Variants in SLC35D1 observed in about 807,000 individuals in gnomAD.
The protein encoded by SLC35D1 is solute carrier family 35 member D1.
A neutral mutation model predicts 46.7 loss-of-function variants in SLC35D1; 31 were observed. The observed-to-expected ratio is 0.66, with a 90% confidence interval of 0.50 to 0.90. The LOEUF (loss-of-function observed/expected upper bound fraction) is 0.90, where lower values mean the gene tolerates loss of function less well. Ranked by LOEUF, SLC35D1 falls within the 40% of genes least tolerant of loss-of-function variation. The pLI is 0.00. For missense variants in SLC35D1, 397 were observed against 426.2 expected, an observed-to-expected ratio of 0.93 and a Z score of 0.60; for synonymous variants, 195 against 164.6, an observed-to-expected ratio of 1.18 and a Z score of -1.41.
intron 8 of SLC35D1, among the ~76,000 whole-genome samples, chr1:67,023,503 T>G (rs1407735815): frequency 1.0e-5 from 1 of 96,440 alleles, no homozygotes; most frequent in African/African-American, 4.1e-5. Flanking sequence ...TTTTTTTTTT[T>G]GAGACAGAGT....
At chr1:66,987,047 A>G in the SLC35D1 span, 1 of 152,454 alleles carries the variant, frequency 6.6e-6, no homozygotes, top group Non-Finnish European at 1.5e-5. Context: ...ATACATTCTC[A>G]GGCATGTTTG....
chr1:66,976,512 TTTATTTTCAAAC>T, the SLC35D1 span: 1 of 1,403,928 alleles, frequency 7.1e-7, no homozygotes, highest in Admixed American at 2.3e-5. Flanking sequence ...ACTAGCCAAA[TTTATTTTCAAAC>T]TTCAGATGTT....
intron 8 of SLC35D1, among the ~76,000 whole-genome samples, chr1:67,031,263 G>GCATT (rs1432391514): frequency 2.6e-5 from 4 of 152,016 alleles, no homozygotes; most frequent in African/African-American, 9.7e-5. Context: ...GCACGCTGTT[G>GCATT]CATTCCTCTG....
chr1:66,972,985 TA>T, the SLC35D1 span: 1 of 1,579,220 alleles, frequency 6.3e-7, no homozygotes, highest in Non-Finnish European at 8.7e-7. Flanking sequence ...TGATTCAGGC[TA>T]ATAAAGTAAG....
At chr1:67,008,413 C>G (rs1667494008) in intron 11 of SLC35D1, 1 of 1,288,080 alleles carries the variant, frequency 7.8e-7, no homozygotes, top group Admixed American at 2.3e-5. Context: ...GCACTACCAA[C>G]TCTTAACTCA....
chr1:67,008,729 GCC>G (rs1667502154), intron 11 of SLC35D1, among the ~76,000 whole-genome samples: 1 of 151,980 alleles, frequency 6.6e-6, no homozygotes, highest in Non-Finnish European at 1.5e-5. Context: ...CAACCCTGTG[GCC>G]AGGGAACAAC....
intron 8 of SLC35D1, among the ~76,000 whole-genome samples, chr1:67,038,101 A>G (rs192867110): frequency 1.1e-3 from 172 of 152,348 alleles, no homozygotes; most frequent in African/African-American, 3.8e-3. Flanking sequence ...CTATTCATTC[A>G]TAACTAAAGA....
chr1:67,032,389 T>C (rs1668033916), intron 8 of SLC35D1, among the ~76,000 whole-genome samples: 1 of 151,974 alleles, frequency 6.6e-6, no homozygotes, highest in African/African-American at 2.4e-5. Context: ...TGTGTAATAA[T>C]CACATCATGG....
In SLC35D1 at chr1:67,053,803, G is replaced by T. The variant is rs1254421646; in HGVS notation, c.203+8C>A. ...CCGCGGCCTGGGCCGCCGCCGCCTC[G>T]GCCCTACCTGTAATTGGTGAGCACG... On this transcript the variant is annotated splice_region_variant and intron_variant, in intron 1 of 11. Transcript: ENST00000235345. 7 of 1,585,198 alleles carry T rather than the reference G, an allele frequency of 4.4e-6. No individual in the cohort carries two copies. The highest frequency in any genetic ancestry group is 6.0e-6 in the Non-Finnish European group (7 of 1,167,404).
At chr1:66,975,860 C>CT in the SLC35D1 span, among the ~76,000 whole-genome samples, 1 of 152,148 alleles carries the variant, frequency 6.6e-6, no homozygotes, top group East Asian at 1.9e-4. Flanking sequence ...GCTGTTGGGA[C>CT]TAGTAAGAGA....
chr1:67,020,251 AAGAC>A, intron 10 of SLC35D1, 114 bp downstream of exon 10: 1 of 719,344 alleles, frequency 1.4e-6, no homozygotes, highest in Admixed American at 1.9e-5. Context: ...TTGTCAAACT[AAGAC>A]AGTATGTGAG....
At chr1:67,028,909 T>C (rs1667966537) in intron 8 of SLC35D1, among the ~76,000 whole-genome samples, 1 of 152,196 alleles carries the variant, frequency 6.6e-6, no homozygotes, top group Non-Finnish European at 1.5e-5. Context: ...GAGTCTTTTG[T>C]TATAGCTTTC....
intron 8 of SLC35D1, among the ~76,000 whole-genome samples, chr1:67,039,995 A>ATTT (rs11300562): frequency 7.1e-6 from 1 of 140,164 alleles, no homozygotes; most frequent in Non-Finnish European, 1.6e-5. Context: ...TTACATCACA[A>ATTT]TTTTTTTTTT....
chr1:67,020,241 T>C (rs1422855216), intron 10 of SLC35D1, 128 bp downstream of exon 10: 1 of 689,132 alleles, frequency 1.5e-6, no homozygotes, highest in Non-Finnish European at 2.7e-6. Context: ...TCACCACAAT[T>C]TGTCAAACTA....
intron 7 of SLC35D1, among the ~76,000 whole-genome samples, chr1:67,043,321 G>A (rs1000083424): frequency 1.3e-5 from 2 of 152,048 alleles, no homozygotes; most frequent in Non-Finnish European, 2.9e-5. Context: ...AGCCAAGAAC[G>A]AGATTGTGCC....
chr1:66,984,777 T>C, the SLC35D1 span: 1 of 1,613,958 alleles, frequency 6.2e-7, no homozygotes, highest in Non-Finnish European at 8.5e-7. Context: ...ATGAAAAAAG[T>C]GAGAGACCTG....
chr1:66,989,112 T>A, the SLC35D1 span, among the ~76,000 whole-genome samples: 1 of 152,268 alleles, frequency 6.6e-6, no homozygotes, highest in Non-Finnish European at 1.5e-5. Context: ...AAAAATTTCC[T>A]GCAGAGCTGG....
In SLC35D1 at chr1:67,052,874, A is replaced by G; in HGVS notation, c.238-17T>C. ...GGCCACCATCTGTAAACAAGAGAAC[A>G]CAGATTCACTGTTCTACACATAAAG... On this transcript the variant is annotated splice_polypyrimidine_tract_variant and intron_variant, in intron 2 of 11. Transcript: ENST00000235345. 6.2e-7 allele frequency: 1 copy of G among 1,614,114 alleles called. No individual in the cohort carries two copies. The highest frequency in any genetic ancestry group is 8.5e-7 in the Non-Finnish European group (1 of 1,179,978).
At chr1:67,047,035 G>C (rs941217373) in intron 7 of SLC35D1, among the ~76,000 whole-genome samples, 1 of 152,196 alleles carries the variant, frequency 6.6e-6, no homozygotes, top group South Asian at 2.1e-4. Flanking sequence ...TACCCCACAC[G>C]AAGTCAAAAT....
Sources: gnomAD v4.1 joint callset for allele counts (sites outside exome capture counted in the v4.1 genomes callset) on GRCh38, gnomAD v4.1.1 for gene constraint, MANE v1.5 for transcripts, NCBI Gene and HGNC (gene_info 2026-07-23, HGNC 2026-07-21) for gene names.